The following SHANK2 variants were observed in gnomAD, a reference collection of about 807,000 sequenced individuals.
SHANK2 encodes SH3 and multiple ankyrin repeat domains protein 2.
Under a neutral mutation model 133.7 loss-of-function variants are expected in SHANK2, and 43 were observed. The observed-to-expected ratio is 0.32, with a 90% CI of 0.25 to 0.41. The LOEUF (loss-of-function observed/expected upper bound fraction) is 0.41. SHANK2 is among the 10% of genes least tolerant of loss of function. The pLI is 1.00. For missense variants in SHANK2, 1,994 were observed against 2,235.8 expected, an observed-to-expected ratio of 0.89 and a Z score of 2.18; for synonymous variants, 1,017 against 952.8, an observed-to-expected ratio of 1.07 and a Z score of -1.24.
Position 70,468,316 on chromosome 11 carries a change from C to T in SHANK2, c.*4553G>A, listed in dbSNP as rs1357704208. On this transcript the variant is annotated 3_prime_UTR_variant, in exon 26 of 26. Transcript: ENST00000601538. ...TGGAATGTAGAACAAGTTACAGGAA[C>T]GATAAACAAAATCACCAATACAGCA... The T allele has an allele frequency of 2.0e-5, 3 of 152,104 alleles. No individual in the cohort carries two copies. The highest frequency in any genetic ancestry group is 1.3e-4 in the Admixed American group (2 of 15,260). The allele number at this position is 152,104 out of a possible 1,614,324, so 9.4% of individuals were successfully genotyped here.
intron 14 of SHANK2, among the ~76,000 whole-genome samples, chr11:70,717,753 G>T (rs1408538922): frequency 2.0e-5 from 3 of 151,960 alleles, no homozygotes; most frequent in African/African-American, 7.3e-5. Flanking sequence ...GCTCCTCGGG[G>T]TCTCCACGGA....
intron 14 of SHANK2, among the ~76,000 whole-genome samples, chr11:70,795,729 T>C (rs1190535082): frequency 1.3e-5 from 2 of 152,064 alleles, no homozygotes; most frequent in African/African-American, 4.8e-5. Flanking sequence ...TTCTTAAAAG[T>C]GGAAGAAGAG....
chr11:71,148,005 T>C (rs1376596602), intron 2 of SHANK2, among the ~76,000 whole-genome samples: 1 of 151,504 alleles, frequency 6.6e-6, no homozygotes, highest in Non-Finnish European at 1.5e-5. Flanking sequence ...TGCAGCTTCC[T>C]CAAGGTCAAG....
intron 13 of SHANK2, among the ~76,000 whole-genome samples, chr11:70,800,975 C>A (rs1348339368): frequency 1.3e-5 from 2 of 152,180 alleles, no homozygotes; most frequent in Admixed American, 6.5e-5. Context: ...TCCATGGAAG[C>A]TCTGCCCTAT....
At chr11:70,934,354 C>A (rs1590848993) in intron 10 of SHANK2, among the ~76,000 whole-genome samples, 3 of 152,226 alleles carry the variant, frequency 2.0e-5, no homozygotes, top group Admixed American at 2.0e-4. Flanking sequence ...TAATGGAGGC[C>A]CGTGCAGCCG....
rs1952031721 is a variant in SHANK2, at chr11:71,118,895, G to A, written c.345C>T (p.Phe115=). 3 of 1,551,758 alleles carry A rather than the reference G, an allele frequency of 1.9e-6. No individual in the cohort carries two copies. The highest frequency in any genetic ancestry group is 1.7e-6 in the Non-Finnish European group (2 of 1,147,010). ...QPASNGRDGK[F]LDEERLLREY... is the part of the protein sequence containing the mutation. ...CGCGCAGGAGCCGCTCCTCATCCAG[G>A]AACTTGCCGTCACGCCCATTGCTGG... is the stretch of plus-strand genomic sequence containing the variant. Residue 115 remains phenylalanine, a synonymous_variant, in exon 4 of 26, where the codon TTC becomes TTT. Transcript: ENST00000601538.
At chr11:71,222,922 G>A (rs749811) in intron 2 of SHANK2, among the ~76,000 whole-genome samples, 49,117 of 152,162 alleles carry the variant, frequency 0.32, 7,979 homozygotes, top group East Asian at 0.43. Context: ...GGGGACTGTG[G>A]AGGATACAGA....
At chr11:70,617,026 C>T (rs566472325) in intron 17 of SHANK2, among the ~76,000 whole-genome samples, 16 of 151,292 alleles carry the variant, frequency 1.1e-4, no homozygotes, top group African/African-American at 1.5e-4. Context: ...TGCCTATGAG[C>T]GTGTGTGTCT....
chr11:71,073,864 ACT>A (rs1338654488), intron 9 of SHANK2, among the ~76,000 whole-genome samples: 1 of 151,816 alleles, frequency 6.6e-6, no homozygotes, highest in Non-Finnish European at 1.5e-5. Context: ...CCATCTCATG[ACT>A]CTGATCTGCC....
At chr11:70,662,139 T>C (rs1944565035) in intron 15 of SHANK2, 1 of 358,402 alleles carries the variant, frequency 2.8e-6, no homozygotes, top group Non-Finnish European at 5.3e-6. Context: ...CCCGGGAAAA[T>C]CAGCCAGAGG....
intron 14 of SHANK2, among the ~76,000 whole-genome samples, chr11:70,794,257 G>A (rs1364822887): frequency 6.7e-6 from 1 of 149,566 alleles, no homozygotes; most frequent in Non-Finnish European, 1.5e-5. Flanking sequence ...CTCCAGTCTG[G>A]GCAACAGAGA....
At chr11:71,091,998 C>T (rs567935781) in intron 8 of SHANK2, among the ~76,000 whole-genome samples, 2 of 152,336 alleles carry the variant, frequency 1.3e-5, no homozygotes, top group African/African-American at 2.4e-5. Context: ...ACACGCCCCT[C>T]GTGCGTGCAA....
At chr11:70,783,504 C>T (rs1947559594) in intron 14 of SHANK2, among the ~76,000 whole-genome samples, 2 of 148,956 alleles carry the variant, frequency 1.3e-5, no homozygotes, top group African/African-American at 4.9e-5. Context: ...GGAGAGAAGC[C>T]AGCACAGCAC....
intron 14 of SHANK2, among the ~76,000 whole-genome samples, chr11:70,712,083 G>A (rs1555026262): frequency 6.6e-6 from 1 of 151,982 alleles, no homozygotes; most frequent in African/African-American, 2.4e-5. Context: ...TCCTGCTGGA[G>A]GCTCCTGGAG....
chr11:70,597,309 T>C (rs2136299400), intron 17 of SHANK2, among the ~76,000 whole-genome samples: 1 of 152,168 alleles, frequency 6.6e-6, no homozygotes, highest in South Asian at 2.1e-4. Flanking sequence ...CACCCCATAA[T>C]AACTGTGGAG....
chr11:71,211,038 G>C (rs1199486182), intron 2 of SHANK2, among the ~76,000 whole-genome samples: 1 of 152,048 alleles, frequency 6.6e-6, no homozygotes, highest in Non-Finnish European at 1.5e-5. Context: ...TGTTTCAGGG[G>C]GGTCCCCCAG....
chr11:70,803,813 A>AG (rs1555051229), intron 13 of SHANK2, among the ~76,000 whole-genome samples: 1 of 149,854 alleles, frequency 6.7e-6, no homozygotes, highest in Non-Finnish European at 1.5e-5. Flanking sequence ...CTTGAATTAA[A>AG]AAAAAAAAAA....
Position 70,486,235 on chromosome 11 carries a change from G to C in SHANK2, c.4058C>G (p.Ser1353Cys). 6.2e-7 allele frequency: 1 copy of C among 1,614,000 alleles called. No individual in the cohort carries two copies. Among genetic ancestry groups the C allele is most frequent in the Non-Finnish European group, 8.5e-7 (1 of 1,179,998 alleles). ...GATCTGTAAAGCACCTTCGGTTTCG[G>C]AAACACCTTCTGGCACCTCGGACGG... The part of the protein sequence containing the change: ...SSPSEVPEGV[S>C]ETEGALQISA... The change falls in exon 25 of 26, where the codon TCC becomes TGC. Residue 1353 changes from serine (S) to cysteine (C), a missense_variant. By Grantham distance (112) the Ser-to-Cys change is moderately radical. This residue lies in a region of SHANK2 where 797 missense variants were observed against 907.4 expected (regional missense o/e 0.88). Transcript: ENST00000601538. This position sits in a 1 kb window ranked among gnomAD's most constrained non-coding sequence, Gnocchi z 8.0.
At chr11:70,812,447 G>A (rs1948299365) in intron 12 of SHANK2, among the ~76,000 whole-genome samples, 1 of 152,234 alleles carries the variant, frequency 6.6e-6, no homozygotes, top group Non-Finnish European at 1.5e-5. Context: ...CATTTTACAG[G>A]TGAGAAAATG....
Sources: gnomAD v4.1 joint callset for allele counts (sites outside exome capture counted in the v4.1 genomes callset) on GRCh38, gnomAD v4.1.1 for gene constraint, gnomAD v4.1.1 regional missense constraint, Gnocchi (gnomAD v3.1) non-coding constraint, MANE v1.5 for transcripts, NCBI Gene and HGNC (gene_info 2026-07-23, HGNC 2026-07-21) for gene names.